The following WDR20 variants were observed in gnomAD, a reference collection of about 807,000 sequenced individuals.
The protein encoded by WDR20 is WD repeat-containing protein 20.
In WDR20, 3 loss-of-function variants were observed where a neutral mutation model predicts 38.7. The ratio of observed to expected loss-of-function variants is 0.08; its 90% confidence interval spans 0.04 to 0.20. The LOEUF (loss-of-function observed/expected upper bound fraction) is 0.20. Among genes scored for constraint, WDR20 ranks in the 10% least tolerant of loss-of-function variants. The pLI is 1.00. For missense variants in WDR20, 559 were observed against 727.7 expected (o/e 0.77, Z 2.67); for synonymous variants, 298 against 285.6 (o/e 1.04, Z -0.44).
chr14:102,169,538 CT>C (rs536962750), intron 1 of WDR20, among the ~76,000 whole-genome samples: 4 of 149,618 alleles, frequency 2.7e-5, no homozygotes, highest in Admixed American at 6.7e-5. Context: ...TCTCAAGTAA[CT>C]TTTTTTTTTG....
chr14:102,224,017 A>G (rs944456537), downstream of WDR20, among the ~76,000 whole-genome samples: 15 of 151,738 alleles, frequency 9.9e-5, no homozygotes, highest in African/African-American at 3.6e-4. Flanking sequence ...TGAACTAGCT[A>G]ATCACACTGT....
chr14:102,149,867 A>G (rs1410288300), intron 1 of WDR20, among the ~76,000 whole-genome samples: 3 of 151,832 alleles, frequency 2.0e-5, no homozygotes, highest in Non-Finnish European at 4.4e-5. Flanking sequence ...TAATTTTTGT[A>G]TTTTTTAGTA....
intron 1 of WDR20, among the ~76,000 whole-genome samples, chr14:102,155,889 C>T (rs910484276): frequency 5.3e-5 from 8 of 151,064 alleles, no homozygotes; most frequent in African/African-American, 1.9e-4. Flanking sequence ...ATCTTCCCAC[C>T]TGACTTTCTC....
chr14:102,147,264 G>A (rs1018278722), intron 1 of WDR20, among the ~76,000 whole-genome samples: 11 of 152,146 alleles, frequency 7.2e-5, no homozygotes, highest in East Asian at 1.9e-4. Flanking sequence ...GTATGGTGGC[G>A]CATGCCTGTA....
At chr14:102,152,343 A>G (rs907686892) in intron 1 of WDR20, among the ~76,000 whole-genome samples, 6 of 152,194 alleles carry the variant, frequency 3.9e-5, no homozygotes, top group Admixed American at 2.6e-4. Flanking sequence ...ATTATTAATA[A>G]CATATTAATC....
At position 102,208,525 on chromosome 14, in the gene WDR20, C is replaced by A; in HGVS notation, c.433-78C>A. On this transcript the variant is annotated intron_variant, in intron 2 of 2. Coordinates refer to ENST00000342702, the MANE Select transcript of WDR20 (RefSeq NM_144574.4). The surrounding 1 kb of genome is among the most constrained non-coding windows in gnomAD (Gnocchi z 5.6). ...AGACTTGCCCCTTCCCATCGAGAAG[C>A]ACACAAGTTTTCTTGCTGGAAAAGT... The A allele has an allele frequency of 6.6e-7, 1 of 1,508,792 alleles. No individual in the cohort carries two copies. Among genetic ancestry groups the A allele is most frequent in the Non-Finnish European group, 8.8e-7 (1 of 1,130,858 alleles). The allele number at this position is 1,508,792 out of a possible 1,614,324, so 93.5% of individuals were successfully genotyped here. A position where few individuals can be genotyped will look rare whatever the true frequency, so the allele number is the denominator to read the frequency against.
intron 1 of WDR20, among the ~76,000 whole-genome samples, chr14:102,152,089 AT>A (rs545597757): frequency 1.3e-5 from 2 of 151,328 alleles, no homozygotes; most frequent in Non-Finnish European, 2.9e-5. Flanking sequence ...TAATTTCTGT[AT>A]TTTTTTATAG....
Position 102,174,976 on chromosome 14 carries a change from C to T in WDR20, c.250-19962C>T, listed in dbSNP as rs565931407. The stretch of plus-strand genomic sequence containing the variant: ...AGATATTAGTCCTTTGCTGGATGCA[C>T]AGTTTGTGAAGATTTTCTCTGCAAC... On this transcript the variant is annotated intron_variant, in intron 1 of 2. Coordinates refer to ENST00000342702, the MANE Select transcript of WDR20 (RefSeq NM_144574.4). Among the ~76,000 whole-genome samples, 16 of 152,230 alleles carry T rather than the reference C, an allele frequency of 1.1e-4. No individual in the cohort carries two copies. The South Asian group carries it at 3.3e-3, about 32-fold the overall frequency.
rs2061870830 is a variant in WDR20, at chr14:102,208,012, GGGCCCA to G, written c.433-587_433-582del. ...TGCATGGGAGTGAGGCGGCCTCAGTGGGCCCAGGCTCTGTTTTGGAGTTGTGTGTGC... is the reference window on the plus strand; with the variant it reads ...TGCATGGGAGTGAGGCGGCCTCAGTGGGCTCTGTTTTGGAGTTGTGTGTGC... On this transcript the variant is annotated intron_variant, in intron 2 of 2. Coordinates refer to ENST00000342702, the MANE Select transcript of WDR20 (RefSeq NM_144574.4). This position sits in a 1 kb window ranked among gnomAD's most constrained non-coding sequence, Gnocchi z 5.6. Among the ~76,000 whole-genome samples the G allele has an allele frequency of 1.3e-5, 2 of 152,174 alleles. No individual in the cohort carries two copies. Among genetic ancestry groups the G allele is most frequent in the Admixed American group, 1.3e-4 (2 of 15,278 alleles).
At chr14:102,174,265 G>C (rs2061593145) in intron 1 of WDR20, among the ~76,000 whole-genome samples, 1 of 152,058 alleles carries the variant, frequency 6.6e-6, no homozygotes, top group Admixed American at 6.6e-5. Flanking sequence ...ACCCTGTGGT[G>C]GGATTGCTGG....
At chr14:102,197,803 A>T (rs1254987418) in intron 2 of WDR20, 1 of 702,768 alleles carries the variant, frequency 1.4e-6, no homozygotes, top group East Asian at 2.7e-5. Flanking sequence ...AGAAAGACAG[A>T]ATGAAGGTAG....
chr14:102,213,627 AC>A, downstream of WDR20: 5 of 985,412 alleles, frequency 5.1e-6, no homozygotes, highest in Non-Finnish European at 6.0e-6. Flanking sequence ...CCACTGGCTG[AC>A]TTCACCCCCA....
chr14:102,191,741 C>T (rs568313941), intron 1 of WDR20, among the ~76,000 whole-genome samples: 26 of 152,150 alleles, frequency 1.7e-4, no homozygotes, highest in Non-Finnish European at 3.2e-4. Context: ...GTCAGTGCCA[C>T]TGGAAAGGGA....
At chr14:102,206,253 C>T (rs1174957039) in intron 2 of WDR20, among the ~76,000 whole-genome samples, 2 of 152,336 alleles carry the variant, frequency 1.3e-5, no homozygotes, top group South Asian at 2.1e-4. Context: ...TCCCAAAGTG[C>T]TGGGATTACA....
chr14:102,206,744 A>G (rs1036158666), intron 2 of WDR20, among the ~76,000 whole-genome samples: 14 of 152,156 alleles, frequency 9.2e-5, no homozygotes, highest in Admixed American at 4.6e-4. Flanking sequence ...GATCAGGTAC[A>G]GTTGTGTTTG....
At chr14:102,151,629 T>C (rs918411673) in intron 1 of WDR20, among the ~76,000 whole-genome samples, 8 of 152,004 alleles carry the variant, frequency 5.3e-5, no homozygotes, top group Admixed American at 2.0e-4. Context: ...GTTCAAACGA[T>C]CTTCCTTCCT....
downstream of WDR20, chr14:102,224,770 G>A (rs1243973498): frequency 2.2e-6 from 1 of 455,978 alleles, no homozygotes; most frequent in Non-Finnish European, 4.4e-6. Context: ...TGGATCACGG[G>A]GCCATGAACT....
At chr14:102,200,922 AGGCTGC>A (rs1287027656) in intron 2 of WDR20, among the ~76,000 whole-genome samples, 6 of 152,244 alleles carry the variant, frequency 3.9e-5, no homozygotes, top group Non-Finnish European at 5.9e-5. Flanking sequence ...CTGCCAGCCC[AGGCTGC>A]GTGGCACATC....
downstream of WDR20, chr14:102,224,773 C>T (rs922803439): frequency 2.0e-5 from 9 of 455,904 alleles, no homozygotes; most frequent in African/African-American, 1.8e-4. Context: ...ATCACGGGGC[C>T]ATGAACTATG....
Sources: allele counts gnomAD v4.1 joint callset (sites outside exome capture counted in the v4.1 genomes callset), GRCh38; gene constraint gnomAD v4.1.1; non-coding constraint Gnocchi (gnomAD v3.1); transcripts MANE v1.5; gene names NCBI Gene and HGNC (gene_info 2026-07-23, HGNC 2026-07-21).